CEP83: variants seen among roughly 807,000 people sequenced by gnomAD.
CEP83 encodes centrosomal protein 83.
CEP83 carries 70 observed loss-of-function variants against 101.9 expected under a neutral mutation model. The ratio of observed to expected loss-of-function variants is 0.69; its 90% CI spans 0.57 to 0.84. CEP83 has a LOEUF of 0.84. Ranked by LOEUF, CEP83 falls within the 40% of genes least tolerant of loss-of-function variation. The pLI, the probability that CEP83 is intolerant of heterozygous loss-of-function variation, is 0.00. For missense variants in CEP83, 715 were observed against 787.2 expected, an observed-to-expected ratio of 0.91 and a Z score of 1.10; for synonymous variants, 264 against 267.9, an observed-to-expected ratio of 0.99 and a Z score of 0.14.
the CEP83 span, among the ~76,000 whole-genome samples, chr12:94,288,329 G>T: frequency 1.3e-5 from 2 of 152,110 alleles, no homozygotes; most frequent in Admixed American, 1.3e-4. Flanking sequence ...CAGGCATCTG[G>T]GCTCTGACAA....
At chr12:94,319,220 C>T (rs7971067) in intron 14 of CEP83, among the ~76,000 whole-genome samples, 25 of 152,082 alleles carry the variant, frequency 1.6e-4, no homozygotes, top group African/African-American at 4.3e-4. Flanking sequence ...TTGTCTGTGA[C>T]GGTTGTTTGT....
chr12:94,379,082 T>C (rs371666635), intron 6 of CEP83, 40 bp from the exon 7 acceptor site: 119 of 1,495,680 alleles, frequency 8.0e-5, no homozygotes, highest in Non-Finnish European at 1.1e-4. Flanking sequence ...GGTTAAATTA[T>C]TAAATTTTCA....
downstream of CEP83, chr12:94,303,695 T>C: frequency 1.2e-5 from 4 of 329,578 alleles, no homozygotes; most frequent in Non-Finnish European, 1.8e-5. Context: ...TCCTCCATCT[T>C]TTTTTTTTTT....
At chr12:94,267,198 T>C in the CEP83 span, among the ~76,000 whole-genome samples, 23,739 of 152,178 alleles carry the variant, frequency 0.16, 1,839 homozygotes, top group Admixed American at 0.19. Context: ...CTCCAGCATT[T>C]CAGTCATGAG....
intron 16 of CEP83, 23 bp downstream of exon 16, chr12:94,309,894 TC>T: frequency 7.3e-6 from 10 of 1,367,010 alleles, no homozygotes; most frequent in South Asian, 1.9e-5. Context: ...ACTTTTTTTT[TC>T]CCCCTAAAAT....
chr12:94,405,733 T>A (rs1028439089), intron 4 of CEP83, among the ~76,000 whole-genome samples: 13 of 152,200 alleles, frequency 8.5e-5, no homozygotes, highest in African/African-American at 3.1e-4. Flanking sequence ...TTTGAGAGTT[T>A]TCAGGACCTG....
chr12:94,292,099 C>T, the CEP83 span, among the ~76,000 whole-genome samples: 1 of 152,144 alleles, frequency 6.6e-6, no homozygotes, highest in Non-Finnish European at 1.5e-5. Context: ...TATATTCATA[C>T]TACATGAACT....
chr12:94,397,477 G>T (rs1468771703), intron 6 of CEP83, among the ~76,000 whole-genome samples: 1 of 149,728 alleles, frequency 6.7e-6, no homozygotes, highest in Non-Finnish European at 1.5e-5. Context: ...CAGCCTGGGC[G>T]ACAGAGCAAG....
intron 4 of CEP83, among the ~76,000 whole-genome samples, chr12:94,409,904 A>T (rs1012353960): frequency 6.6e-6 from 1 of 152,142 alleles, no homozygotes. Context: ...TCATACTCCA[A>T]TATGACCTCA....
chr12:94,346,699 G>C (rs2059949245), intron 11 of CEP83, among the ~76,000 whole-genome samples: 1 of 152,144 alleles, frequency 6.6e-6, no homozygotes, highest in African/African-American at 2.4e-5. Flanking sequence ...AATCAAATTA[G>C]ATTAGAAGAT....
intron 13 of CEP83, 100 bp downstream of exon 13, chr12:94,333,382 T>C: frequency 9.9e-7 from 1 of 1,012,474 alleles, no homozygotes; most frequent in Non-Finnish European, 1.4e-6. Flanking sequence ...TATTTGTAAC[T>C]AGTTTCTAAA....
chr12:94,413,867 T>C lies in CEP83; in HGVS notation c.-101-1276A>G, dbSNP rs867388989. Among the ~76,000 whole-genome samples the C allele has an allele frequency of 3.4e-3, 436 of 130,010 alleles. 5 individuals are homozygous for C. Among genetic ancestry groups the C allele is most frequent in the East Asian group, 0.026 (117 of 4,466 alleles). The allele number at this position is 130,010 out of a possible 152,430, so 85.3% of individuals were successfully genotyped here. On this transcript the variant is annotated intron_variant, in intron 2 of 16. Coordinates refer to ENST00000397809, the MANE Select transcript of CEP83 (RefSeq NM_016122.3). ...ACACACACACACACACACACACACA[T>C]ACATACATATTTTTTTCCTGATAGA...
At chr12:94,432,557 T>C (rs2065718929) in intron 2 of CEP83, among the ~76,000 whole-genome samples, 1 of 151,684 alleles carries the variant, frequency 6.6e-6, no homozygotes, top group South Asian at 2.1e-4. Flanking sequence ...CTCATGGAGG[T>C]AGAGAATAAA....
At chr12:94,430,741 A>T (rs553043098) in intron 2 of CEP83, among the ~76,000 whole-genome samples, 1 of 152,348 alleles carries the variant, frequency 6.6e-6, no homozygotes, top group Admixed American at 6.5e-5. Context: ...CTAGCAAGGG[A>T]TTTAAACATC....
intron 11 of CEP83, among the ~76,000 whole-genome samples, chr12:94,367,237 T>C (rs1468438957): frequency 6.6e-6 from 1 of 152,136 alleles, no homozygotes; most frequent in Admixed American, 6.5e-5. Context: ...CAGATAATTA[T>C]ATATTACAAA....
intron 6 of CEP83, among the ~76,000 whole-genome samples, chr12:94,381,205 A>C (rs1175483795): frequency 6.6e-6 from 1 of 152,162 alleles, no homozygotes; most frequent in East Asian, 1.9e-4. Flanking sequence ...CAGATCTTGG[A>C]TACAGCCTCA....
At chr12:94,416,575 A>ACACACAC (rs1566141713) in intron 2 of CEP83, among the ~76,000 whole-genome samples, 4 of 134,366 alleles carry the variant, frequency 3.0e-5, no homozygotes, top group African/African-American at 5.8e-5. Flanking sequence ...CACACACACA[A>ACACACAC]AAAAAAAAAA....
chr12:94,358,266 A>G lies in CEP83; in HGVS notation c.1343+9528T>C, dbSNP rs557973459. ...ATTTATTACAACAATGGGGAGCACA[A>G]GTTCTAATTCCAGAACAATTATATA... is the stretch of plus-strand genomic sequence containing the variant. On this transcript the variant is annotated intron_variant, in intron 11 of 16. Transcript: ENST00000397809. 2.0e-5 allele frequency among the ~76,000 whole-genome samples: 3 copies of G among 152,342 alleles called. No homozygotes were observed. The South Asian group carries it at 6.2e-4, about 32-fold the overall frequency.
At chr12:94,400,178 G>A (rs141059655) in intron 6 of CEP83, among the ~76,000 whole-genome samples, 2 of 152,246 alleles carry the variant, frequency 1.3e-5, no homozygotes, top group African/African-American at 2.4e-5. Flanking sequence ...GAATATGGCA[G>A]GATAAAATTA....
Sources: gnomAD v4.1 joint callset for allele counts (sites outside exome capture counted in the v4.1 genomes callset) on GRCh38, gnomAD v4.1.1 for gene constraint, MANE v1.5 for transcripts, NCBI Gene and HGNC (gene_info 2026-07-23, HGNC 2026-07-21) for gene names.